Variants in TUT7 observed in about 807,000 individuals in gnomAD.
TUT7 encodes the protein terminal uridylyltransferase 7.
A neutral mutation model predicts 165.9 loss-of-function variants in TUT7; 33 were observed. That is an observed-to-expected ratio of 0.20 (90% CI 0.15 to 0.27). TUT7 has a LOEUF of 0.27. Among genes scored for constraint, TUT7 ranks in the 10% least tolerant of loss-of-function variants. The pLI is 1.00. For missense variants in TUT7, 1,338 were observed against 1,762.3 expected (o/e 0.76, Z 4.31); for synonymous variants, 552 against 608.1 (o/e 0.91, Z 1.36).
chr9:86,345,761 T>G lies in TUT7; in HGVS notation c.727A>C (p.Lys243Gln). 5 of 1,613,296 alleles carry G rather than the reference T, an allele frequency of 3.1e-6. No homozygotes were observed. The highest frequency in any genetic ancestry group is 4.2e-6 in the Non-Finnish European group (5 of 1,179,598). The change falls in exon 4 of 27, where the codon AAG becomes CAG. Residue 243 changes from lysine (K) to glutamine (Q), a missense_variant. Lys to Gln is a moderately conservative substitution (Grantham distance 53). Around this residue, in one of 7 missense-constraint regions of TUT7, gnomAD observed 434 missense variants for 480.8 expected, o/e 0.90. Coordinates refer to ENST00000375963, the MANE Select transcript of TUT7 (RefSeq NM_024617.4). ...ACATCACAGAGTCTGCAGGTGTACTTTGCTGTAGGGTAGTTTCGTGGTCGC... is the reference window on the plus strand; with the variant it reads ...ACATCACAGAGTCTGCAGGTGTACTGTGCTGTAGGGTAGTTTCGTGGTCGC... ...KRRPRNYPTAKYTCRLCDVLI... is the reference protein window; with the variant it reads ...KRRPRNYPTAQYTCRLCDVLI...
chr9:86,337,684 C>T, intron 9 of TUT7, 146 bp from the exon 10 acceptor site: 1 of 984,196 alleles, frequency 1.0e-6, no homozygotes, highest in Non-Finnish European at 1.5e-6. Flanking sequence ...ACAAAATATA[C>T]AACTTCCTTA....
At chr9:86,309,809 A>C (rs1344889830) in intron 19 of TUT7, 119 bp downstream of exon 19, 2 of 1,084,078 alleles carry the variant, frequency 1.8e-6, no homozygotes, top group African/African-American at 3.2e-5. Context: ...GGGTCTCCCA[A>C]ATAGCTACAT....
chr9:86,337,958 T>C lies in TUT7; in HGVS notation c.1336-420A>G, dbSNP rs112062210. Among the ~76,000 whole-genome samples, 997 of 152,198 alleles carry C rather than the reference T, an allele frequency of 6.6e-3. 14 individuals are homozygous for C. Among genetic ancestry groups the C allele is most frequent in the African/African-American group, 0.022 (928 of 41,520 alleles). ...CATATGCATGCTTTGGTCACAAAGA[T>C]TGGCGTGGGGAGAGAACGTGGACAA... On this transcript the variant is annotated intron_variant, in intron 9 of 26. Transcript: ENST00000375963.
intron 10 of TUT7, among the ~76,000 whole-genome samples, chr9:86,335,517 A>G (rs535128451): frequency 6.6e-6 from 1 of 152,216 alleles, no homozygotes; most frequent in Non-Finnish European, 1.5e-5. Context: ...AAGACAGATC[A>G]GAGAACACAG....
intron 2 of TUT7, among the ~76,000 whole-genome samples, chr9:86,350,221 C>T (rs1368128804): frequency 6.6e-6 from 1 of 152,176 alleles, no homozygotes; most frequent in Non-Finnish European, 1.5e-5. Context: ...GTCCCAGCCA[C>T]TCAGGAGGCT....
chr9:86,308,909 G>GA (rs1285218630), intron 21 of TUT7, among the ~76,000 whole-genome samples: 1 of 152,146 alleles, frequency 6.6e-6, no homozygotes, highest in Admixed American at 6.6e-5. Context: ...TTAGCTCATT[G>GA]AAAGTCTTTC....
intron 26 of TUT7, among the ~76,000 whole-genome samples, chr9:86,294,887 A>C (rs1176468429): frequency 1.3e-5 from 2 of 151,800 alleles, no homozygotes; most frequent in African/African-American, 4.8e-5. Context: ...AGTAATTTTT[A>C]ATTAAAATTT....
intron 26 of TUT7, among the ~76,000 whole-genome samples, chr9:86,292,561 G>C (rs1344727076): frequency 2.6e-5 from 4 of 151,092 alleles, no homozygotes; most frequent in South Asian, 2.1e-4. Flanking sequence ...CGATGTTGGT[G>C]ATGGTACTCA....
At chr9:86,334,739 A>G (rs1830622679) in intron 10 of TUT7, among the ~76,000 whole-genome samples, 1 of 151,844 alleles carries the variant, frequency 6.6e-6, no homozygotes, top group Non-Finnish European at 1.5e-5. Context: ...GTTCTTTTTA[A>G]GGGTTTTAAG....
At chr9:86,322,758 C>A in intron 13 of TUT7, 115 bp downstream of exon 13, 1 of 1,242,764 alleles carries the variant, frequency 8.0e-7, no homozygotes, top group Non-Finnish European at 1.1e-6. Flanking sequence ...AATGAAAGGC[C>A]AACTTGTTCA....
At chr9:86,345,586 C>A (rs575452501) in intron 4 of TUT7, 83 bp downstream of exon 4, 5 of 975,784 alleles carry the variant, frequency 5.1e-6, no homozygotes, top group East Asian at 2.4e-5. Context: ...AATATCATAG[C>A]CTTAAGGAGA....
chr9:86,327,628 A>G (rs1167730438), intron 11 of TUT7, among the ~76,000 whole-genome samples: 2 of 152,226 alleles, frequency 1.3e-5, no homozygotes, highest in Admixed American at 6.5e-5. Context: ...GGGTGGTACC[A>G]CCACTCTCCT....
At chr9:86,307,978 G>C (rs1250862560) in intron 22 of TUT7, among the ~76,000 whole-genome samples, 1 of 152,122 alleles carries the variant, frequency 6.6e-6, no homozygotes, top group Admixed American at 6.5e-5. Context: ...TGGGCAACAA[G>C]AGCGAAACTC....
chr9:86,292,440 G>C (rs569932470), intron 26 of TUT7, among the ~76,000 whole-genome samples: 8 of 150,784 alleles, frequency 5.3e-5, no homozygotes, highest in African/African-American at 2.0e-4. Context: ...CTACACTCCA[G>C]CCTGGGTGAC....
At chr9:86,333,107 T>G (rs148658339) in intron 10 of TUT7, among the ~76,000 whole-genome samples, 48 of 152,302 alleles carry the variant, frequency 3.2e-4, no homozygotes, top group African/African-American at 1.1e-3. Flanking sequence ...TTTTAATCAT[T>G]TATTTTACTC....
At chr9:86,338,300 C>G (rs1022202019) in intron 9 of TUT7, among the ~76,000 whole-genome samples, 2 of 151,548 alleles carry the variant, frequency 1.3e-5, no homozygotes, top group African/African-American at 4.9e-5. Flanking sequence ...CAACCTGTAC[C>G]TCCCAGGTTC....
intron 26 of TUT7, among the ~76,000 whole-genome samples, chr9:86,292,164 C>T (rs1357106092): frequency 6.6e-6 from 1 of 152,198 alleles, no homozygotes; most frequent in Non-Finnish European, 1.5e-5. Flanking sequence ...CTGCCTCAGC[C>T]TCCTGAGTGG....
intron 5 of TUT7, among the ~76,000 whole-genome samples, chr9:86,344,282 A>T (rs1253665489): frequency 6.6e-6 from 1 of 151,920 alleles, no homozygotes. Context: ...CCAACCATTT[A>T]CCTAAACAGC....
chr9:86,291,201 A>G (rs1341411298), intron 26 of TUT7, among the ~76,000 whole-genome samples: 1 of 152,194 alleles, frequency 6.6e-6, no homozygotes, highest in African/African-American at 2.4e-5. Context: ...TAAATGAAGA[A>G]CCTTTAAAAA....
Sources: gnomAD v4.1 joint callset for allele counts (sites outside exome capture counted in the v4.1 genomes callset) on GRCh38, gnomAD v4.1.1 for gene constraint, gnomAD v4.1.1 regional missense constraint, MANE v1.5 for transcripts, NCBI Gene and HGNC (gene_info 2026-07-23, HGNC 2026-07-21) for gene names.